Variants in MYD88 observed in about 807,000 individuals in gnomAD.
MYD88 encodes MYD88 innate immune signal transduction adaptor.
A neutral mutation model predicts 31.1 loss-of-function variants in MYD88; 15 were observed. The observed-to-expected ratio is 0.48, with a 90% CI of 0.32 to 0.74. The LOEUF is 0.74. MYD88 is among the 30% of genes least tolerant of loss of function. The probability of loss-of-function intolerance (pLI) is 0.03; values close to 1 mark genes in which losing one functional copy is unlikely to be tolerated. For synonymous variants in MYD88, 157 were observed against 158.8 expected, an observed-to-expected ratio of 0.99 and a Z score of 0.08; for missense variants, 308 against 387.4, an observed-to-expected ratio of 0.79 and a Z score of 1.72.
In MYD88 at chr3:38,138,742, C is replaced by T. The variant is rs763301680; in HGVS notation, c.42C>T (p.Val14=). ...GGPGAGSAAP[V]SSTSSLPLAA... ...CCGGCGCGGGGTCTGCGGCCCCGGT[C>T]TCCTCCACATCCTCCCTTCCCCTGG... The change falls in exon 1 of 5, where the codon GTC becomes GTT. Residue 14 remains valine (V), a synonymous_variant. Coordinates refer to ENST00000650905, the MANE Select transcript of MYD88 (RefSeq NM_002468.5). This position sits in a 1 kb window ranked among gnomAD's most constrained non-coding sequence, Gnocchi z 6.4. 1 of 1,610,144 alleles carries T rather than the reference C, an allele frequency of 6.2e-7. No homozygotes were observed. Among genetic ancestry groups the T allele is most frequent in the Non-Finnish European group, 8.5e-7 (1 of 1,178,006 alleles).
rs2125781288 is a variant in MYD88, at chr3:38,141,867, G to A, written c.*581G>A. On this transcript the variant is annotated 3_prime_UTR_variant, in exon 5 of 5. Coordinates refer to ENST00000650905, the MANE Select transcript of MYD88 (RefSeq NM_002468.5). ...TCCCCACAGGGCAGGTGGGGAAGCA[G>A]TTTGGCCCAGCCCAAGGAGACCCCA... The A allele has an allele frequency of 3.8e-6, 1 of 261,726 alleles. No homozygotes were observed. The highest frequency in any genetic ancestry group is 1.1e-4 in the South Asian group (1 of 9,056). 16.2% of individuals were successfully genotyped at this position (261,726 alleles called of 1,614,324 possible).
In MYD88 at chr3:38,141,663, T is replaced by A. The variant is rs1701085047; in HGVS notation, c.*377T>A. On this transcript the variant is annotated 3_prime_UTR_variant, in exon 5 of 5. Coordinates refer to ENST00000650905, the MANE Select transcript of MYD88 (RefSeq NM_002468.5). ...GCTGTGTTTGAATCCCTGTAGGAAA[T>A]GGTGAAGCATAGCTCTGGGTCTCCT... is the stretch of plus-strand genomic sequence containing the variant. 2.3e-6 allele frequency: 1 copy of A among 430,648 alleles called. No homozygotes were observed. The highest frequency in any genetic ancestry group is 2.0e-5 in the African/African-American group (1 of 50,826). The allele number at this position is 430,648 out of a possible 1,614,324, so 26.7% of individuals were successfully genotyped here.
In MYD88 at chr3:38,138,714, G is replaced by T. The variant is rs371896760; in HGVS notation, c.14G>T (p.Gly5Val). The T allele has an allele frequency of 2.5e-6, 4 of 1,604,382 alleles. No homozygotes were observed. Among genetic ancestry groups the T allele is most frequent in the African/African-American group, 1.3e-5 (1 of 74,750 alleles). MAAGGPGAGSAAPVS... is the reference protein window; with the variant it reads MAAGVPGAGSAAPVS... ...GGACCGCCCGCCATGGCTGCAGGAG[G>T]TCCCGGCGCGGGGTCTGCGGCCCCG... Residue 5 changes from glycine (G) to valine (V), a missense_variant, in exon 1 of 5, where the codon GGT (glycine) becomes GTT (valine). By Grantham distance (109) the Gly-to-Val change is moderately radical (BLOSUM62 -3). Coordinates refer to ENST00000650905, the MANE Select transcript of MYD88 (RefSeq NM_002468.5). The surrounding 1 kb of genome is among the most constrained non-coding windows in gnomAD (Gnocchi z 6.4).
chr3:38,141,819 C>G lies in MYD88; in HGVS notation c.*533C>G, dbSNP rs2125781255. On this transcript the variant is annotated 3_prime_UTR_variant, in exon 5 of 5. Transcript: ENST00000650905. Reference sequence around the variant, plus strand: ...CTACTGATGCTTCAGTGCCTCTGCACACCGCCCATTCCACTTCCTCCTTCC... The same window carrying G: ...CTACTGATGCTTCAGTGCCTCTGCAGACCGCCCATTCCACTTCCTCCTTCC... 3.5e-6 allele frequency: 1 copy of G among 285,860 alleles called. No individual in the cohort carries two copies. The highest frequency in any genetic ancestry group is 6.7e-6 in the Non-Finnish European group (1 of 148,912). 17.7% of individuals were successfully genotyped at this position (285,860 alleles called of 1,614,324 possible).
rs530686024 is a variant in MYD88, at chr3:38,142,696, C to A, written c.*1410C>A. The A allele has an allele frequency of 1.3e-5, 3 of 233,268 alleles. No homozygotes were observed. Among genetic ancestry groups the A allele is most frequent in the Non-Finnish European group, 2.5e-5 (3 of 118,050 alleles). 14.4% of individuals were successfully genotyped at this position (233,268 alleles called of 1,614,324 possible). ...TTAGGTGTCTGTGCCCCAGGACAGA[C>A]CCTAGGACCCTAAATCCAATAGAAA... On this transcript the variant is annotated 3_prime_UTR_variant, in exon 5 of 5. Coordinates refer to ENST00000650905, the MANE Select transcript of MYD88 (RefSeq NM_002468.5).
At position 38,139,168 on chromosome 3, in the gene MYD88, G is replaced by C. The variant is rs949094990; in HGVS notation, c.328+140G>C. The C allele has an allele frequency of 5.1e-6, 6 of 1,183,008 alleles. No homozygotes were observed. The African/African-American group carries it at 7.7e-5, about 15-fold the overall frequency. The allele number at this position is 1,183,008 out of a possible 1,614,324, so 73.3% of individuals were successfully genotyped here. A position where few individuals can be genotyped will look rare whatever the true frequency, so the allele number is the denominator to read the frequency against. On this transcript the variant is annotated intron_variant, in intron 1 of 4. Transcript: ENST00000650905. This position sits in a 1 kb window ranked among gnomAD's most constrained non-coding sequence, Gnocchi z 4.7. ...GAAGCCTGCAGAGGGAGAACCATGC[G>C]GGTCCCGTTCCTTCTTAATAACCGG...
chr3:38,142,195 C>T lies in MYD88; in HGVS notation c.*909C>T. 4.3e-6 allele frequency: 1 copy of T among 233,324 alleles called. No homozygotes were observed. 14.5% of individuals were successfully genotyped at this position (233,324 alleles called of 1,614,324 possible). A position where few individuals can be genotyped will look rare whatever the true frequency, so the allele number is the denominator to read the frequency against. ...AGAGAGCTTTCCCACCAACTTTGTACCTTGATTGCCTTACAAAGTTATTTG... is the reference window on the plus strand; with the variant it reads ...AGAGAGCTTTCCCACCAACTTTGTATCTTGATTGCCTTACAAAGTTATTTG... On this transcript the variant is annotated 3_prime_UTR_variant, in exon 5 of 5. Transcript: ENST00000650905.
chr3:38,141,824 C>T lies in MYD88; in HGVS notation c.*538C>T, dbSNP rs891652105. The T allele has an allele frequency of 1.1e-5, 3 of 276,830 alleles. No homozygotes were observed. The highest frequency in any genetic ancestry group is 4.7e-5 in the Admixed American group (1 of 21,394). The allele number at this position is 276,830 out of a possible 1,614,324, so 17.1% of individuals were successfully genotyped here. A position where few individuals can be genotyped will look rare whatever the true frequency, so the allele number is the denominator to read the frequency against. On this transcript the variant is annotated 3_prime_UTR_variant, in exon 5 of 5. Coordinates refer to ENST00000650905, the MANE Select transcript of MYD88 (RefSeq NM_002468.5). The stretch of plus-strand genomic sequence containing the variant: ...GATGCTTCAGTGCCTCTGCACACCG[C>T]CCATTCCACTTCCTCCTTCCCCACA...
chr3:38,142,550 G>T lies in MYD88; in HGVS notation c.*1264G>T. On this transcript the variant is annotated 3_prime_UTR_variant, in exon 5 of 5. Transcript: ENST00000650905. ...CTCTAATGAAGCACAGAGAGAGGAA[G>T]AGAGCTGCTTAAACTCACACAACAA... The T allele has an allele frequency of 4.3e-6, 1 of 233,352 alleles. No homozygotes were observed. Among genetic ancestry groups the T allele is most frequent in the Non-Finnish European group, 8.5e-6 (1 of 118,078 alleles). The allele number at this position is 233,352 out of a possible 1,614,324, so 14.5% of individuals were successfully genotyped here. A position where few individuals can be genotyped will look rare whatever the true frequency, so the allele number is the denominator to read the frequency against.
chr3:38,140,089 C>A, intron 2 of MYD88, 91 bp downstream of exon 2: 1 of 1,510,660 alleles, frequency 6.6e-7, no homozygotes, highest in Non-Finnish European at 9.1e-7. Flanking sequence ...GGCTGTGAGA[C>A]CTTGGGCAAG....
At position 38,141,295 on chromosome 3, in the gene MYD88, C is replaced by A. The variant is rs1701076154; in HGVS notation, c.*9C>A. The A allele has an allele frequency of 6.2e-7, 1 of 1,614,130 alleles. No individual in the cohort carries two copies. ...CCTTGTCCCTGCCCTGAAGACTGTTCTGAGGCCCTGGGTGTGTGTGTATCT... is the reference window on the plus strand; with the variant it reads ...CCTTGTCCCTGCCCTGAAGACTGTTATGAGGCCCTGGGTGTGTGTGTATCT... On this transcript the variant is annotated 3_prime_UTR_variant, in exon 5 of 5. Coordinates refer to ENST00000650905, the MANE Select transcript of MYD88 (RefSeq NM_002468.5).
rs1482994750 is a variant in MYD88, at chr3:38,142,297, G to GAC, written c.*1019_*1020dup. ...ATGGGCACATACAGACTCACATACA[G>GAC]ACACACACATATATGTACAGACATG... is the stretch of plus-strand genomic sequence containing the variant. On this transcript the variant is annotated 3_prime_UTR_variant, in exon 5 of 5. Coordinates refer to ENST00000650905, the MANE Select transcript of MYD88 (RefSeq NM_002468.5). The GAC allele has an allele frequency of 2.6e-5, 6 of 233,090 alleles. No individual in the cohort carries two copies. The highest frequency in any genetic ancestry group is 4.4e-5 in the African/African-American group (2 of 45,290). 14.4% of individuals were successfully genotyped at this position (233,090 alleles called of 1,614,324 possible).
At chr3:38,140,063 G>A (rs1208460638) in intron 2 of MYD88, 65 bp downstream of exon 2, 1 of 1,592,748 alleles carries the variant, frequency 6.3e-7, no homozygotes, top group Admixed American at 1.8e-5. Context: ...AAGAGCATGG[G>A]TGTTTGAAGC....
At position 38,139,230 on chromosome 3, in the gene MYD88, T is replaced by C. The variant is rs1701016144; in HGVS notation, c.328+202T>C. ...AAGAAGGACTGGAGAAAGGTCCGGA[T>C]AGGCGGAGATGGGAAGGAAGCAGCT... On this transcript the variant is annotated intron_variant, in intron 1 of 4. Coordinates refer to ENST00000650905, the MANE Select transcript of MYD88 (RefSeq NM_002468.5). The surrounding 1 kb of genome is among the most constrained non-coding windows in gnomAD (Gnocchi z 4.7). The C allele has an allele frequency of 2.8e-6, 2 of 707,702 alleles. No homozygotes were observed. The highest frequency in any genetic ancestry group is 1.8e-5 in the African/African-American group (1 of 55,744). The allele number at this position is 707,702 out of a possible 1,614,324, so 43.8% of individuals were successfully genotyped here.
Position 38,139,079 on chromosome 3 carries a change from T to G in MYD88, c.328+51T>G. The G allele has an allele frequency of 2.5e-6, 4 of 1,572,772 alleles. No homozygotes were observed. Among genetic ancestry groups the G allele is most frequent in the Non-Finnish European group, 3.4e-6 (4 of 1,164,702 alleles). ...GTACCTGGGGGGTGAGGAGGCTGAC[T>G]TTCCGCGGCCTCAGCATCCTGTCTC... is the stretch of plus-strand genomic sequence containing the variant. On this transcript the variant is annotated intron_variant, in intron 1 of 4. Coordinates refer to ENST00000650905, the MANE Select transcript of MYD88 (RefSeq NM_002468.5). The surrounding 1 kb of genome is among the most constrained non-coding windows in gnomAD (Gnocchi z 4.7).
chr3:38,142,136 G>A lies in MYD88; in HGVS notation c.*850G>A, dbSNP rs564250473. On this transcript the variant is annotated 3_prime_UTR_variant, in exon 5 of 5. Coordinates refer to ENST00000650905, the MANE Select transcript of MYD88 (RefSeq NM_002468.5). ...TCTGGGGATGAGTCACTGTAATGATGTGAGCAGGGAGCCTTCCTCCCTGGG... is the reference window on the plus strand; with the variant it reads ...TCTGGGGATGAGTCACTGTAATGATATGAGCAGGGAGCCTTCCTCCCTGGG... 39 of 233,460 alleles carry A rather than the reference G, an allele frequency of 1.7e-4. No homozygotes were observed. The highest frequency in any genetic ancestry group is 1.3e-3 in the South Asian group (7 of 5,532). 14.5% of individuals were successfully genotyped at this position (233,460 alleles called of 1,614,324 possible).
At position 38,142,355 on chromosome 3, in the gene MYD88, C is replaced by T. The variant is rs995566552; in HGVS notation, c.*1069C>T. The T allele has an allele frequency of 8.6e-6, 2 of 233,206 alleles. No homozygotes were observed. Among genetic ancestry groups the T allele is most frequent in the East Asian group, 6.0e-5 (1 of 16,604 alleles). 14.4% of individuals were successfully genotyped at this position (233,206 alleles called of 1,614,324 possible). ...ACACACACAGGCACCAGCATACACACGTTTTTCTAGGTACAGCTCCCAGGA... is the reference window on the plus strand; with the variant it reads ...ACACACACAGGCACCAGCATACACATGTTTTTCTAGGTACAGCTCCCAGGA... On this transcript the variant is annotated 3_prime_UTR_variant, in exon 5 of 5. Transcript: ENST00000650905.
At chr3:38,140,021 A>T (rs1156543254) in intron 2 of MYD88, 23 bp downstream of exon 2, 3 of 1,612,278 alleles carry the variant, frequency 1.9e-6, no homozygotes, top group Non-Finnish European at 2.5e-6. Flanking sequence ...TACTGTTCCC[A>T]TGGGACAGGT....
intron 4 of MYD88, 78 bp from the exon 5 acceptor site, chr3:38,141,054 A>T (rs1701067843): frequency 6.2e-7 from 1 of 1,600,510 alleles, no homozygotes; most frequent in Non-Finnish European, 8.6e-7. Context: ...GGCTGTTGTT[A>T]ACCCTGGGGT....
Sources: allele counts gnomAD v4.1 joint callset, GRCh38; gene constraint gnomAD v4.1.1; non-coding constraint Gnocchi (gnomAD v3.1); transcripts MANE v1.5; gene names NCBI Gene and HGNC (gene_info 2026-07-23, HGNC 2026-07-21).